Variants in TMC1 observed in about 807,000 individuals in gnomAD.
TMC1 encodes the protein transmembrane channel like 1, also known as transmembrane channel-like protein 1.
A neutral mutation model predicts 105.8 loss-of-function variants in TMC1; 84 were observed. That is an observed-to-expected ratio of 0.79 (90% CI 0.67 to 0.95). TMC1 has a LOEUF of 0.95. Among genes scored for constraint, TMC1 ranks in the 40% least tolerant of loss-of-function variants. The pLI, the probability that TMC1 is intolerant of heterozygous loss-of-function variation, is 0.00. For synonymous variants in TMC1, 315 were observed against 311.5 expected (o/e 1.01, Z -0.12); for missense variants, 817 against 914.1 (o/e 0.89, Z 1.37).
intron 12 of TMC1, among the ~76,000 whole-genome samples, chr9:72,760,978 G>A (rs905998714): frequency 6.6e-6 from 1 of 152,130 alleles, no homozygotes; most frequent in Non-Finnish European, 1.5e-5. Flanking sequence ...TACACAACAT[G>A]CATGATCAGC....
At chr9:72,607,595 G>A (rs1335517687) in intron 2 of TMC1, among the ~76,000 whole-genome samples, 4 of 145,480 alleles carry the variant, frequency 2.7e-5, no homozygotes, top group Admixed American at 1.4e-4. Flanking sequence ...CAGCCTGGGC[G>A]AGAATGCAAG....
intron 1 of TMC1, 141 bp downstream of exon 1, chr9:72,522,054 T>C (rs1300444673): frequency 6.6e-6 from 1 of 152,250 alleles, no homozygotes; most frequent in Non-Finnish European, 1.5e-5. Flanking sequence ...TCCTCTACTT[T>C]TCTACTGCTA....
chr9:72,821,543 TC>T (rs1309376463), intron 20 of TMC1, among the ~76,000 whole-genome samples: 1 of 152,060 alleles, frequency 6.6e-6, no homozygotes, highest in African/African-American at 2.4e-5. Flanking sequence ...CTTTGGGTAT[TC>T]AGGTTCAATA....
intron 8 of TMC1, among the ~76,000 whole-genome samples, chr9:72,719,483 C>T (rs527978744): frequency 1.2e-4 from 19 of 152,242 alleles, no homozygotes; most frequent in Admixed American, 6.5e-4. Flanking sequence ...TGTGTATATT[C>T]GGGGCAGGGG....
chr9:72,570,676 CTTTTTTTTTTTTTTTTTTTT>C (rs529953890), intron 1 of TMC1, among the ~76,000 whole-genome samples: 1 of 75,614 alleles, frequency 1.3e-5, no homozygotes, highest in Non-Finnish European at 2.3e-5. Context: ...GCCAAATTTC[CTTTTTTTTTTTTTTTTTTTT>C]TTTTTTTTTT....
At chr9:72,814,932 G>GTC (rs1326253802) in intron 18 of TMC1, among the ~76,000 whole-genome samples, 1 of 150,554 alleles carries the variant, frequency 6.6e-6, no homozygotes, top group Non-Finnish European at 1.5e-5. Flanking sequence ...GTGTGTGTGT[G>GTC]TGTGTGTGTG....
chr9:72,730,801 A>G (rs1466754909), intron 8 of TMC1, among the ~76,000 whole-genome samples: 1 of 152,232 alleles, frequency 6.6e-6, no homozygotes, highest in African/African-American at 2.4e-5. Flanking sequence ...GGACACAGTG[A>G]CAGATCATCA....
At chr9:72,795,862 TA>T (rs55685504) in intron 17 of TMC1, among the ~76,000 whole-genome samples, 13,189 of 150,116 alleles carry the variant, frequency 0.088, 671 homozygotes, top group Non-Finnish European at 0.13. Context: ...CAAGCTGTAT[TA>T]AAAAAAAAGC....
chr9:72,830,728 CTT>C (rs747829217), intron 23 of TMC1, 46 bp downstream of exon 23: 49 of 1,284,006 alleles, frequency 3.8e-5, no homozygotes, highest in South Asian at 2.7e-4. Context: ...TTTTCTTTTT[CTT>C]TTTCTTTCTT....
Position 72,714,548 on chromosome 9 carries a change from T to C in TMC1, c.362+13905T>C, listed in dbSNP as rs143919099. 1.2e-3 allele frequency among the ~76,000 whole-genome samples: 189 copies of C among 152,328 alleles called. 1 individual carries two copies. Among genetic ancestry groups the C allele is most frequent in the African/African-American group, 4.4e-3 (181 of 41,580 alleles). On this transcript the variant is annotated intron_variant, in intron 8 of 23. Transcript: ENST00000297784. The stretch of plus-strand genomic sequence containing the variant: ...CTTCTTTGTCTTTTTTTGATGTTTG[T>C]TGGTTTAAAGTCTGTTTTGTCGGAG...
At chr9:72,613,132 A>AT (rs10552822) in intron 2 of TMC1, among the ~76,000 whole-genome samples, 1,456 of 137,972 alleles carry the variant, frequency 0.011, 15 homozygotes, top group African/African-American at 0.029. Flanking sequence ...CAGAAATGTG[A>AT]TTTTTTTTTT....
At chr9:72,669,175 G>A (rs952945566) in intron 5 of TMC1, among the ~76,000 whole-genome samples, 7 of 152,084 alleles carry the variant, frequency 4.6e-5, no homozygotes, top group East Asian at 1.9e-4. Context: ...GTGAGGTGGC[G>A]GCAGGCGCCT....
intron 6 of TMC1, among the ~76,000 whole-genome samples, chr9:72,692,088 T>A (rs1478494346): frequency 1.3e-5 from 2 of 152,172 alleles, no homozygotes; most frequent in African/African-American, 4.8e-5. Flanking sequence ...TATCATCTGG[T>A]TATTCTGTGC....
chr9:72,780,240 T>C (rs968061241), intron 13 of TMC1, among the ~76,000 whole-genome samples: 1 of 152,152 alleles, frequency 6.6e-6, no homozygotes, highest in African/African-American at 2.4e-5. Context: ...CACACTTGCC[T>C]TACAAGAGGT....
intron 17 of TMC1, among the ~76,000 whole-genome samples, chr9:72,793,071 C>G (rs1187878560): frequency 6.6e-6 from 1 of 152,186 alleles, no homozygotes; most frequent in Non-Finnish European, 1.5e-5. Context: ...TGAACCCACT[C>G]CACCTGGGCC....
chr9:72,796,484 G>T (rs1161402857), intron 17 of TMC1, among the ~76,000 whole-genome samples: 1 of 152,152 alleles, frequency 6.6e-6, no homozygotes, highest in Non-Finnish European at 1.5e-5. Context: ...CAAAATACTT[G>T]CAAACCGAAT....
chr9:72,526,413 A>G (rs1432017355), intron 1 of TMC1, among the ~76,000 whole-genome samples: 1 of 152,216 alleles, frequency 6.6e-6, no homozygotes, highest in Non-Finnish European at 1.5e-5. Context: ...AATTAACTCT[A>G]TGAATTCAAA....
At chr9:72,821,949 A>T (rs112515899) in intron 20 of TMC1, among the ~76,000 whole-genome samples, 3 of 152,212 alleles carry the variant, frequency 2.0e-5, no homozygotes, top group African/African-American at 7.2e-5. Flanking sequence ...GAAAAAAATT[A>T]AGGCTGTTCC....
chr9:72,626,475 A>T (rs1825348985), intron 3 of TMC1, among the ~76,000 whole-genome samples: 1 of 152,212 alleles, frequency 6.6e-6, no homozygotes. Flanking sequence ...AAAAAATAAA[A>T]AGCCAACAAT....
Sources: allele counts gnomAD v4.1 joint callset (sites outside exome capture counted in the v4.1 genomes callset), GRCh38; gene constraint gnomAD v4.1.1; transcripts MANE v1.5; gene names NCBI Gene and HGNC (gene_info 2026-07-23, HGNC 2026-07-21).